Variants in GRID2 observed in about 807,000 individuals in gnomAD.
GRID2 encodes the protein glutamate receptor ionotropic, delta-2.
GRID2 carries 33 observed loss-of-function variants against 114.8 expected under a neutral mutation model. The observed-to-expected ratio is 0.29, with a 90% CI of 0.22 to 0.38. The LOEUF (loss-of-function observed/expected upper bound fraction) is 0.38, where lower values mean the gene tolerates loss of function less well. GRID2 is among the 10% of genes least tolerant of loss of function. The pLI is 1.00. For missense variants in GRID2, 1,184 were observed against 1,257.7 expected, an observed-to-expected ratio of 0.94 and a Z score of 0.89; for synonymous variants, 505 against 449.9, an observed-to-expected ratio of 1.12 and a Z score of -1.55.
At chr4:92,505,768 A>G (rs1723932829) in intron 1 of GRID2, among the ~76,000 whole-genome samples, 1 of 152,154 alleles carries the variant, frequency 6.6e-6, no homozygotes, top group East Asian at 1.9e-4. Flanking sequence ...TTTGTTGAAT[A>G]TATCTTTTAG....
chr4:92,824,512 T>A (rs903108248), intron 2 of GRID2, among the ~76,000 whole-genome samples: 2 of 151,864 alleles, frequency 1.3e-5, no homozygotes, highest in African/African-American at 4.8e-5. Context: ...ATTATTAACA[T>A]ATGTTTCTGA....
intron 2 of GRID2, among the ~76,000 whole-genome samples, chr4:92,806,211 A>ACACACC (rs1740408631): frequency 6.7e-6 from 1 of 148,836 alleles, no homozygotes; most frequent in African/African-American, 2.5e-5. Flanking sequence ...ACACACACAC[A>ACACACC]CGGATATCTA....
At chr4:93,122,728 A>G (rs1254097097) in intron 4 of GRID2, among the ~76,000 whole-genome samples, 1 of 152,196 alleles carries the variant, frequency 6.6e-6, no homozygotes, top group South Asian at 2.1e-4. Context: ...TTAAAAAAAA[A>G]CAAATCTCTA....
chr4:93,084,761 G>A (rs183116010), intron 2 of GRID2, among the ~76,000 whole-genome samples: 2 of 152,132 alleles, frequency 1.3e-5, no homozygotes, highest in Non-Finnish European at 2.9e-5. Flanking sequence ...TGATGAAACC[G>A]AGCCAAGAGA....
intron 4 of GRID2, among the ~76,000 whole-genome samples, chr4:93,127,875 G>C (rs2149370734): frequency 1.3e-5 from 2 of 151,446 alleles, no homozygotes; most frequent in East Asian, 3.9e-4. Flanking sequence ...AGTTATAATA[G>C]CTGGGTATGG....
At chr4:93,601,940 G>C (rs138198739) in intron 13 of GRID2, among the ~76,000 whole-genome samples, 2 of 152,116 alleles carry the variant, frequency 1.3e-5, no homozygotes, top group Non-Finnish European at 2.9e-5. Flanking sequence ...TCACCATATA[G>C]TTTCTTTTTA....
chr4:93,151,179 C>A (rs1378869523), intron 4 of GRID2, among the ~76,000 whole-genome samples: 1 of 151,734 alleles, frequency 6.6e-6, no homozygotes, highest in Non-Finnish European at 1.5e-5. Flanking sequence ...GAAGCACTGC[C>A]TCCAGCTCAT....
intron 1 of GRID2, among the ~76,000 whole-genome samples, chr4:92,403,440 G>A (rs1004711409): frequency 6.6e-6 from 1 of 151,950 alleles, no homozygotes; most frequent in South Asian, 2.1e-4. Context: ...GCTCATGCTT[G>A]TAATTCCAGC....
intron 1 of GRID2, among the ~76,000 whole-genome samples, chr4:92,309,958 ATTG>A: frequency 6.6e-6 from 1 of 152,024 alleles, no homozygotes; most frequent in South Asian, 2.1e-4. Flanking sequence ...TCCCAAACTG[ATTG>A]TTGTTTTTGA....
At chr4:93,488,243 ATATTT>A (rs1399832981) in intron 11 of GRID2, among the ~76,000 whole-genome samples, 1 of 151,974 alleles carries the variant, frequency 6.6e-6, no homozygotes, top group Non-Finnish European at 1.5e-5. Flanking sequence ...GTAAAAATAA[ATATTT>A]TATTTTGCTT....
At chr4:92,699,346 G>A (rs1734561879) in intron 2 of GRID2, among the ~76,000 whole-genome samples, 1 of 152,044 alleles carries the variant, frequency 6.6e-6, no homozygotes, top group African/African-American at 2.4e-5. Context: ...AGTGCAAAAG[G>A]GCAGTTAAAA....
At chr4:93,694,850 T>G (rs1726872814) in intron 14 of GRID2, among the ~76,000 whole-genome samples, 1 of 152,110 alleles carries the variant, frequency 6.6e-6, no homozygotes, top group South Asian at 2.1e-4. Context: ...CCGAAGATCT[T>G]AAACTCCATA....
chr4:93,368,045 G>T (rs1308511067), intron 8 of GRID2, among the ~76,000 whole-genome samples: 2 of 151,964 alleles, frequency 1.3e-5, no homozygotes, highest in South Asian at 2.1e-4. Context: ...ATCACAAAAT[G>T]GAATTCTATG....
chr4:93,235,692 G>C (rs1360051072), intron 7 of GRID2, among the ~76,000 whole-genome samples: 2 of 152,074 alleles, frequency 1.3e-5, no homozygotes, highest in African/African-American at 2.4e-5. Flanking sequence ...ATAGCATAAG[G>C]AAGATAAATC....
chr4:92,369,903 A>G (rs867443407), intron 1 of GRID2, among the ~76,000 whole-genome samples: 1 of 152,200 alleles, frequency 6.6e-6, no homozygotes, highest in Non-Finnish European at 1.5e-5. Context: ...TTCTTTTTAG[A>G]TATCTAATAT....
At chr4:93,178,213 C>G (rs1184248478) in intron 4 of GRID2, among the ~76,000 whole-genome samples, 1 of 151,860 alleles carries the variant, frequency 6.6e-6, no homozygotes, top group African/African-American at 2.4e-5. Flanking sequence ...TCTCTATTCA[C>G]TTTTCAACCC....
At chr4:92,640,290 C>T (rs981704276) in intron 2 of GRID2, among the ~76,000 whole-genome samples, 5 of 151,690 alleles carry the variant, frequency 3.3e-5, no homozygotes, top group Non-Finnish European at 7.4e-5. Context: ...ATAAAAAGCT[C>T]TAAGAATTCC....
intron 4 of GRID2, among the ~76,000 whole-genome samples, chr4:93,193,660 T>C (rs1257381490): frequency 6.6e-6 from 1 of 152,232 alleles, no homozygotes; most frequent in Non-Finnish European, 1.5e-5. Flanking sequence ...TAATATATCC[T>C]TATTTGCTCT....
chr4:93,372,777 A>T (rs1763052094), intron 8 of GRID2, among the ~76,000 whole-genome samples: 1 of 152,178 alleles, frequency 6.6e-6, no homozygotes. Flanking sequence ...TAGTATATAT[A>T]CCAGATACCA....
Sources: gnomAD v4.1 joint callset for allele counts (sites outside exome capture counted in the v4.1 genomes callset) on GRCh38, gnomAD v4.1.1 for gene constraint, MANE v1.5 for transcripts, NCBI Gene and HGNC (gene_info 2026-07-23, HGNC 2026-07-21) for gene names.